The following CDC42SE2 variants were observed in gnomAD, a reference collection of about 807,000 sequenced individuals.
CDC42SE2 encodes CDC42 small effector 2.
In CDC42SE2, 3 loss-of-function variants were observed where a neutral mutation model predicts 11.5. That is an observed-to-expected ratio of 0.26 (90% CI 0.12 to 0.67). CDC42SE2 has a LOEUF of 0.67. Ranked by LOEUF, CDC42SE2 falls within the 30% of genes least tolerant of loss-of-function variation. The pLI is 0.80. For synonymous variants in CDC42SE2, 33 were observed against 34.8 expected (o/e 0.95, Z 0.18); for missense variants, 82 against 106.8 (o/e 0.77, Z 1.02).
intron 1 of CDC42SE2, among the ~76,000 whole-genome samples, chr5:131,312,913 C>T (rs879609641): frequency 1.7e-4 from 26 of 152,190 alleles, no homozygotes; most frequent in Non-Finnish European, 2.6e-4. Flanking sequence ...GTGTCGCTCA[C>T]GCTGGGATCT....
At chr5:131,210,872 T>G in the CDC42SE2 span, among the ~76,000 whole-genome samples, 1 of 152,228 alleles carries the variant, frequency 6.6e-6, no homozygotes, top group Non-Finnish European at 1.5e-5. Flanking sequence ...GGATTCTCAC[T>G]CTGTTGCCCA....
intron 1 of CDC42SE2, among the ~76,000 whole-genome samples, chr5:131,290,522 G>A (rs1757436818): frequency 7.8e-6 from 1 of 128,600 alleles, no homozygotes; most frequent in Non-Finnish European, 1.6e-5. Flanking sequence ...TGGCTCTGTC[G>A]CCCAGGCTGG....
chr5:131,229,191 G>C, the CDC42SE2 span, among the ~76,000 whole-genome samples: 2 of 151,918 alleles, frequency 1.3e-5, no homozygotes, highest in African/African-American at 4.8e-5. Flanking sequence ...GTGTATGTGT[G>C]TTTTTAGAGA....
At chr5:131,291,442 CGTTTTTGAAGGATTT>C (rs955583966) in intron 1 of CDC42SE2, among the ~76,000 whole-genome samples, 3 of 152,060 alleles carry the variant, frequency 2.0e-5, no homozygotes, top group African/African-American at 7.2e-5. Context: ...TTGAAAACTA[CGTTTTTGAAGGATTT>C]GTTTTCACTT....
intron 2 of CDC42SE2, among the ~76,000 whole-genome samples, chr5:131,351,695 C>G (rs1561595659): frequency 6.6e-6 from 1 of 151,946 alleles, no homozygotes. Flanking sequence ...TAATTAAAAA[C>G]AGATTATAGG....
At chr5:131,350,570 TATAAACA>T (rs1758981572) in intron 2 of CDC42SE2, among the ~76,000 whole-genome samples, 1 of 151,820 alleles carries the variant, frequency 6.6e-6, no homozygotes, top group Non-Finnish European at 1.5e-5. Flanking sequence ...ATATGAACGG[TATAAACA>T]AAGTTAAAAG....
At chr5:131,324,854 G>A (rs1190810165) in intron 2 of CDC42SE2, among the ~76,000 whole-genome samples, 1 of 152,128 alleles carries the variant, frequency 6.6e-6, no homozygotes, top group Non-Finnish European at 1.5e-5. Flanking sequence ...AAGTCCAGAC[G>A]TTTTCAAAAC....
chr5:131,344,079 G>T, intron 2 of CDC42SE2, among the ~76,000 whole-genome samples: 1 of 152,226 alleles, frequency 6.6e-6, no homozygotes, highest in East Asian at 1.9e-4. Context: ...AACAGCTCCA[G>T]TCTGCAGCTC....
At chr5:131,273,509 G>A (rs548444152) in intron 1 of CDC42SE2, among the ~76,000 whole-genome samples, 1 of 149,250 alleles carries the variant, frequency 6.7e-6, no homozygotes, top group African/African-American at 2.4e-5. Flanking sequence ...GGTGGCTCAT[G>A]CCTGTAATCC....
chr5:131,335,538 C>T (rs1405622331), intron 2 of CDC42SE2, among the ~76,000 whole-genome samples: 4 of 152,248 alleles, frequency 2.6e-5, no homozygotes. Flanking sequence ...CTTTCTGTCT[C>T]ATTGATCTGT....
Position 131,347,898 on chromosome 5 carries a change from CAT to C in CDC42SE2, c.-285-11310_-285-11309del, listed in dbSNP as rs568593923. The stretch of plus-strand genomic sequence containing the variant: ...ATATAAACAGAACCAAAGACAAAAA[CAT>C]GATTATCTCAATAGATGCAGAAAAG... On this transcript the variant is annotated intron_variant, in intron 2 of 4. Coordinates refer to ENST00000505065, the MANE Select transcript of CDC42SE2 (RefSeq NM_001375635.1). Among the ~76,000 whole-genome samples, 123 of 152,286 alleles carry C rather than the reference CAT, an allele frequency of 8.1e-4. 1 individual carries two copies. The highest frequency in any genetic ancestry group is 2.8e-3 in the African/African-American group (116 of 41,564).
Position 131,337,320 on chromosome 5 carries a change from C to T in CDC42SE2, c.-286+21176C>T, listed in dbSNP as rs1031205469. Among the ~76,000 whole-genome samples the T allele has an allele frequency of 9.2e-5, 14 of 152,176 alleles. No homozygotes were observed. The South Asian group carries it at 1.0e-3, about 11-fold the overall frequency. On this transcript the variant is annotated intron_variant, in intron 2 of 4. Coordinates refer to ENST00000505065, the MANE Select transcript of CDC42SE2 (RefSeq NM_001375635.1). ...CCGCAAATGCTGCTGCCTGATCGTT[C>T]GTCTGGAAGTTTTGTCTCAGAGGAG...
chr5:131,344,819 G>A (rs957349101), intron 2 of CDC42SE2, among the ~76,000 whole-genome samples: 3 of 152,214 alleles, frequency 2.0e-5, no homozygotes, highest in African/African-American at 4.8e-5. Flanking sequence ...AGAAGGATCA[G>A]ACAGCAACAT....
chr5:131,341,767 A>C (rs1160429248), intron 2 of CDC42SE2, among the ~76,000 whole-genome samples: 1 of 152,162 alleles, frequency 6.6e-6, no homozygotes, highest in Non-Finnish European at 1.5e-5. Context: ...GAGAAAACAA[A>C]AGATTATTTA....
At chr5:131,290,858 T>C (rs902133228) in intron 1 of CDC42SE2, among the ~76,000 whole-genome samples, 20 of 152,208 alleles carry the variant, frequency 1.3e-4, no homozygotes, top group Middle Eastern at 3.4e-3. Flanking sequence ...TAGAACCTCA[T>C]GGAAGTGATT....
intron 2 of CDC42SE2, among the ~76,000 whole-genome samples, chr5:131,326,135 C>G (rs183371911): frequency 6.7e-6 from 1 of 148,958 alleles, no homozygotes; most frequent in Non-Finnish European, 1.5e-5. Flanking sequence ...GACGGAGTCT[C>G]GCTCTGTCCC....
intron 1 of CDC42SE2, among the ~76,000 whole-genome samples, chr5:131,287,376 T>G (rs1003475347): frequency 6.6e-6 from 1 of 152,264 alleles, no homozygotes; most frequent in Non-Finnish European, 1.5e-5. Flanking sequence ...TTCTTTTCTT[T>G]TAATCTGAAC....
At chr5:131,355,769 T>G (rs1287021761) in intron 2 of CDC42SE2, among the ~76,000 whole-genome samples, 1 of 152,194 alleles carries the variant, frequency 6.6e-6, no homozygotes, top group Non-Finnish European at 1.5e-5. Flanking sequence ...ATTATTATTT[T>G]TCTTTGGAAG....
intron 2 of CDC42SE2, among the ~76,000 whole-genome samples, chr5:131,255,751 C>A (rs532302953): frequency 6.6e-6 from 1 of 152,156 alleles, no homozygotes; most frequent in South Asian, 2.1e-4. Flanking sequence ...CAGAGCAAGA[C>A]TCCGTCTCAG....
Sources: gnomAD v4.1 joint callset for allele counts (sites outside exome capture counted in the v4.1 genomes callset) on GRCh38, gnomAD v4.1.1 for gene constraint, MANE v1.5 for transcripts, NCBI Gene and HGNC (gene_info 2026-07-23, HGNC 2026-07-21) for gene names.